The following UBE2U variants were observed in gnomAD, a reference collection of about 807,000 sequenced individuals.
The protein encoded by UBE2U is ubiquitin conjugating enzyme E2 U, also known as ubiquitin-conjugating enzyme E2 U.
In UBE2U, 39 loss-of-function variants were observed where a neutral mutation model predicts 41.2. That is an observed-to-expected ratio of 0.95 (90% confidence interval 0.73 to 1.24). The LOEUF (loss-of-function observed/expected upper bound fraction) is 1.24. Among genes scored for constraint, UBE2U ranks in the 50% most tolerant of loss-of-function variants. The pLI is 0.00. For missense variants in UBE2U, 336 were observed against 363.1 expected (o/e 0.93, Z 0.61); for synonymous variants, 107 against 117.8 (o/e 0.91, Z 0.60).
chr1:64,247,864 C>CAAAA (rs71056034), intron 8 of UBE2U, among the ~76,000 whole-genome samples: 1 of 127,898 alleles, frequency 7.8e-6, no homozygotes, highest in Non-Finnish European at 1.6e-5. Context: ...ACCTGTCTCA[C>CAAAA]AAAAAAAAAA....
chr1:64,243,309 G>C (rs1644866581), intron 8 of UBE2U, among the ~76,000 whole-genome samples: 1 of 152,100 alleles, frequency 6.6e-6, no homozygotes, highest in South Asian at 2.1e-4. Context: ...TTTTATTGTG[G>C]CATAAATATT....
intron 7 of UBE2U, among the ~76,000 whole-genome samples, chr1:64,239,157 A>AAGGAGAAGAAGAAGGAGAAG: frequency 5.9e-4 from 22 of 37,064 alleles, no homozygotes; most frequent in African/African-American, 1.9e-3. Context: ...GAAGAAGAAG[A>AAGGAGAAGAAGAAGGAGAAG]AAGAAGAAGA....
chr1:64,242,333 G>C (rs1288757907), intron 8 of UBE2U, among the ~76,000 whole-genome samples: 2 of 152,112 alleles, frequency 1.3e-5, no homozygotes, highest in East Asian at 1.9e-4. Context: ...TTACAACAAA[G>C]ATGCCATTTC....
At position 64,267,196 on chromosome 1, in the gene UBE2U, T is replaced by G; in HGVS notation, c.942T>G (p.Thr314=). 1 of 1,524,014 alleles carries G rather than the reference T, an allele frequency of 6.6e-7. No homozygotes were observed. Among genetic ancestry groups the G allele is most frequent in the South Asian group, 1.3e-5 (1 of 78,120 alleles). 94.4% of individuals were successfully genotyped at this position (1,524,014 alleles called of 1,614,324 possible). A position where few individuals can be genotyped will look rare whatever the true frequency, so the allele number is the denominator to read the frequency against. ...GGACCAATACTCTCAATACAAATAC[T>G]TCAGAAGATTAAGCAGAACATTATC... The part of the protein sequence containing the change: ...ISWTNTLNTN[T]SED The change falls in exon 10 of 10, where the codon ACT becomes ACG. Residue 314 remains threonine (T), a synonymous_variant. Coordinates refer to ENST00000371077, the MANE Select transcript of UBE2U (RefSeq NM_001366232.2).
At chr1:64,264,218 A>C (rs1382022014) in intron 9 of UBE2U, among the ~76,000 whole-genome samples, 1 of 152,234 alleles carries the variant, frequency 6.6e-6, no homozygotes, top group East Asian at 1.9e-4. Context: ...TTATTAGCTA[A>C]ACTATTTTCA....
intron 8 of UBE2U, among the ~76,000 whole-genome samples, chr1:64,255,603 C>T (rs1645077490): frequency 6.6e-6 from 1 of 152,112 alleles, no homozygotes; most frequent in African/African-American, 2.4e-5. Flanking sequence ...CCTTAGGGTG[C>T]AAGGTTGGCT....
intron 6 of UBE2U, among the ~76,000 whole-genome samples, chr1:64,229,015 C>A (rs748869875): frequency 6.6e-6 from 1 of 152,048 alleles, no homozygotes; most frequent in Non-Finnish European, 1.5e-5. Flanking sequence ...CACACGCCAT[C>A]ATGCTCAGCT....
At chr1:64,243,112 T>C (rs1010594136) in intron 8 of UBE2U, among the ~76,000 whole-genome samples, 3 of 152,168 alleles carry the variant, frequency 2.0e-5, no homozygotes, top group African/African-American at 7.2e-5. Flanking sequence ...TATTTCAAAG[T>C]TACAGGTCAA....
intron 9 of UBE2U, among the ~76,000 whole-genome samples, chr1:64,265,084 C>G (rs149605737): frequency 1.4e-4 from 22 of 152,226 alleles, no homozygotes; most frequent in African/African-American, 4.6e-4. Context: ...GTGAGAAGAT[C>G]GCTTTTTCCC....
chr1:64,209,443 A>G (rs777995264), intron 3 of UBE2U, among the ~76,000 whole-genome samples: 3 of 152,180 alleles, frequency 2.0e-5, no homozygotes, highest in Non-Finnish European at 2.9e-5. Context: ...TACTGGGTAT[A>G]GTCTCTTTTG....
At position 64,252,639 on chromosome 1, in the gene UBE2U, C is replaced by A. The variant is rs549973192; in HGVS notation, c.678-7964C>A. 5.3e-4 allele frequency among the ~76,000 whole-genome samples: 80 copies of A among 152,266 alleles called. 1 individual carries two copies. In the Middle Eastern group the frequency reaches 0.014, roughly 26 times the overall value. On this transcript the variant is annotated intron_variant, in intron 8 of 9. Transcript: ENST00000371077. ...AGGCAACTAGGTTCTGGAGTGGACC[C>A]CCAGCAAACCATAGCAGCCCTACAT...
At chr1:64,220,136 G>A (rs189598840) in intron 5 of UBE2U, among the ~76,000 whole-genome samples, 18 of 152,238 alleles carry the variant, frequency 1.2e-4, no homozygotes, top group Admixed American at 9.8e-4. Context: ...CTGAATACAG[G>A]CTGGGCTTGT....
chr1:64,256,804 A>G (rs1186671808), intron 8 of UBE2U, among the ~76,000 whole-genome samples: 1 of 152,170 alleles, frequency 6.6e-6, no homozygotes, highest in Admixed American at 6.5e-5. Context: ...CAGCAAAGGA[A>G]ACTACCATCA....
chr1:64,239,102 GA>G (rs1398138539), intron 7 of UBE2U, among the ~76,000 whole-genome samples: 1 of 7,190 alleles, frequency 1.4e-4, no homozygotes, highest in African/African-American at 8.2e-4. Context: ...GGAAGAAGAA[GA>G]AGAAGAAGAA....
intron 8 of UBE2U, among the ~76,000 whole-genome samples, chr1:64,248,366 G>T (rs897232211): frequency 6.6e-6 from 1 of 152,142 alleles, no homozygotes; most frequent in South Asian, 2.1e-4. Flanking sequence ...TTTATCAGAA[G>T]AAGGCAGGAA....
At chr1:64,234,646 C>A (rs1644633330) in intron 7 of UBE2U, among the ~76,000 whole-genome samples, 1 of 152,174 alleles carries the variant, frequency 6.6e-6, no homozygotes, top group Non-Finnish European at 1.5e-5. Flanking sequence ...ACCATCCTCA[C>A]TCATAGGTCA....
rs543266027 is a variant in UBE2U at position 64,259,966 on chromosome 1, A to C, written c.678-637A>C. Among the ~76,000 whole-genome samples the C allele has an allele frequency of 7.0e-4, 106 of 151,828 alleles. 1 individual carries two copies. The highest frequency in any genetic ancestry group is 2.5e-3 in the African/African-American group (103 of 41,436). On this transcript the variant is annotated intron_variant, in intron 8 of 9. Transcript: ENST00000371077. ...CAGATATAAATAGTAATTAGTTAAG[A>C]TGAGGCTATACTAGATTTAGGTGGA...
At chr1:64,244,710 C>T (rs1570106234) in intron 8 of UBE2U, among the ~76,000 whole-genome samples, 1 of 152,200 alleles carries the variant, frequency 6.6e-6, no homozygotes, top group South Asian at 2.1e-4. Context: ...GTTACCCCAT[C>T]CTCTCTCTCC....
At chr1:64,248,717 T>C (rs935503187) in intron 8 of UBE2U, among the ~76,000 whole-genome samples, 2 of 152,208 alleles carry the variant, frequency 1.3e-5, no homozygotes, top group Non-Finnish European at 2.9e-5. Flanking sequence ...ATACTGCTTA[T>C]ACAATTTTTT....
Sources: allele counts gnomAD v4.1 joint callset (sites outside exome capture counted in the v4.1 genomes callset), GRCh38; gene constraint gnomAD v4.1.1; transcripts MANE v1.5; gene names NCBI Gene and HGNC (gene_info 2026-07-23, HGNC 2026-07-21).